The following TNK1 variants were observed in gnomAD, a reference collection of about 807,000 sequenced individuals.
TNK1 encodes the protein tyrosine kinase non receptor 1.
A neutral mutation model predicts 65.2 loss-of-function variants in TNK1; 53 were observed. That is an observed-to-expected ratio of 0.81 (90% CI 0.65 to 1.02). The LOEUF is 1.02. Among genes scored for constraint, TNK1 ranks in the 50% least tolerant of loss-of-function variants. The pLI is 0.00. For missense variants in TNK1, 837 were observed against 878.4 expected (o/e 0.95, Z 0.60); for synonymous variants, 353 against 364.6 (o/e 0.97, Z 0.36).
At position 7,384,678 on chromosome 17, in the gene TNK1, C is replaced by T; in HGVS notation, c.1061C>T (p.Ser354Phe). The T allele has an allele frequency of 6.3e-7, 1 of 1,599,118 alleles. No individual in the cohort carries two copies. Among genetic ancestry groups the T allele is most frequent in the Non-Finnish European group, 8.5e-7 (1 of 1,173,998 alleles). ...CCCCTCTGCTCCAGGGCCCTCTACT[C>T]CCTCGCCTTGCGCTGCTGGGCCCCC... The part of the protein sequence containing the change: ...RPPLCSRALY[S>F]LALRCWAPHP... The change falls in exon 7 of 13, where the codon TCC (serine) becomes TTC (phenylalanine). Residue 354 changes from serine (S) to phenylalanine (F), a missense_variant. Physicochemically the swap from Ser to Phe is radical, Grantham distance 155. Transcript: ENST00000688331.
intron 9 of TNK1, 55 bp from the exon 10 acceptor site, chr17:7,387,323 A>C: frequency 6.4e-7 from 1 of 1,560,314 alleles, no homozygotes; most frequent in Non-Finnish European, 8.7e-7. Context: ...GGGTATATTG[A>C]TCTGTGGGGT....
chr17:7,384,335 G>A, intron 6 of TNK1, 82 bp downstream of exon 6: 1 of 1,433,456 alleles, frequency 7.0e-7, no homozygotes. Context: ...GAGGGGGCCG[G>A]GCTTCTGAGG....
chr17:7,387,673 T>C (rs544188266), intron 10 of TNK1, among the ~76,000 whole-genome samples: 5 of 151,784 alleles, frequency 3.3e-5, no homozygotes, highest in East Asian at 1.9e-4. Context: ...AGCGTGATCT[T>C]GGCTCACCGC....
rs527582035 is a variant in TNK1, at chr17:7,387,024, C to T, written c.1267C>T (p.Arg423Cys). ...CACAATCTGGAAGGGCCAGAATGGT[C>T]GCACCTTCAAAGTGGGCAGCTTCCC... ...DSTIWKGQNGRTFKVGSFPAS... is the reference protein window; with the variant it reads ...DSTIWKGQNGCTFKVGSFPAS... The change falls in exon 9 of 13, where the codon CGC becomes TGC. Residue 423 changes from arginine (R) to cysteine (C), a missense_variant. Physicochemically the swap from Arg to Cys is radical, Grantham distance 180 (BLOSUM62 -3). Transcript: ENST00000688331. 87 of 1,595,854 alleles carry T rather than the reference C, an allele frequency of 5.5e-5. No individual in the cohort carries two copies. The highest frequency in any genetic ancestry group is 4.2e-4 in the South Asian group (37 of 87,992).
chr17:7,387,097 G>T lies in TNK1; in HGVS notation c.1340G>T (p.Arg447Leu), dbSNP rs748824487. 6.2e-7 allele frequency: 1 copy of T among 1,612,376 alleles called. No homozygotes were observed. The highest frequency in any genetic ancestry group is 8.5e-7 in the Non-Finnish European group (1 of 1,179,138). ...GATGCGGGGGGCTTGCCAGCCACCC[G>T]TCCAGTCCACAGAGGCACCCCTGCC... ...LADAGGLPAT[R>L]PVHRGTPARG... The change falls in exon 9 of 13, where the codon CGT becomes CTT. Residue 447 changes from arginine (R) to leucine (L), a missense_variant. Transcript: ENST00000688331.
rs1206254185 is a variant in TNK1 at position 7,388,469 on chromosome 17, G to C, written c.1541G>C (p.Ser514Thr). Residue 514 changes from serine to threonine, a missense_variant, in exon 11 of 13, where the codon AGC becomes ACC. By Grantham distance (58) the Ser-to-Thr change is moderately conservative. Coordinates refer to ENST00000688331, the MANE Select transcript of TNK1 (RefSeq NM_003985.6). This position sits in a 1 kb window ranked among gnomAD's most constrained non-coding sequence, Gnocchi z 4.5. ...LGPRPTGGGSSPPEIRQARAV... is the reference protein window; with the variant it reads ...LGPRPTGGGSTPPEIRQARAV... Reference sequence around the variant, plus strand: ...CCTCGTCCCACAGGGGGTGGTTCAAGCCCCCCTGAAATTCGACAAGCCAGA... The same window carrying C: ...CCTCGTCCCACAGGGGGTGGTTCAACCCCCCCTGAAATTCGACAAGCCAGA... 8.1e-6 allele frequency: 13 copies of C among 1,613,736 alleles called. No individual in the cohort carries two copies. Among genetic ancestry groups the C allele is most frequent in the Non-Finnish European group, 1.0e-5 (12 of 1,179,862 alleles).
chr17:7,387,207 C>G (rs760222243), intron 9 of TNK1, 53 bp downstream of exon 9: 2 of 1,512,000 alleles, frequency 1.3e-6, no homozygotes, highest in Admixed American at 2.1e-5. Flanking sequence ...CTGATGAGGT[C>G]CAGGAGCTTC....
Position 7,385,736 on chromosome 17 carries a change from T to C in TNK1, c.1138-825T>C, listed in dbSNP as rs562796301. On this transcript the variant is annotated intron_variant, in intron 7 of 12. Transcript: ENST00000688331. Reference sequence around the variant, plus strand: ...CCTGCCACCACGCCTGGCTAATTTTTGTATTTTTAGTAGAGATGGGGTTTC... The same window carrying C: ...CCTGCCACCACGCCTGGCTAATTTTCGTATTTTTAGTAGAGATGGGGTTTC... Among the ~76,000 whole-genome samples the C allele has an allele frequency of 1.9e-3, 292 of 152,208 alleles. 5 individuals carry two copies. The highest frequency in any genetic ancestry group is 5.8e-4 in the East Asian group (3 of 5,172).
Position 7,389,009 on chromosome 17 carries a change from T to C in TNK1, c.1911T>C (p.Ala637=). The C allele has an allele frequency of 6.4e-7, 1 of 1,554,908 alleles. No homozygotes were observed. ...QLFHLSSRSR[A]DCWRILEHYQ... The stretch of plus-strand genomic sequence containing the variant: ...TCCACCTGAGTAGCCGGTCCAGAGC[T>C]GACTGCTGGCGCATCCTGGAGCATT... The change falls in exon 13 of 13, where the codon GCT becomes GCC. Residue 637 remains alanine (A), a synonymous_variant. Transcript: ENST00000688331.
Position 7,387,159 on chromosome 17 carries a change from G to C in TNK1, c.1397+5G>C, listed in dbSNP as rs751793886. ...ACACCCAGGAAGCATAGATGGGTGAGGACCTGAAAGGGTGAGGGCAGGGGT... is the reference window on the plus strand; with the variant it reads ...ACACCCAGGAAGCATAGATGGGTGACGACCTGAAAGGGTGAGGGCAGGGGT... On this transcript the variant is annotated splice_donor_5th_base_variant and intron_variant, in intron 9 of 12. Coordinates refer to ENST00000688331, the MANE Select transcript of TNK1 (RefSeq NM_003985.6). 6.4e-7 allele frequency: 1 copy of C among 1,572,816 alleles called. No homozygotes were observed. The highest frequency in any genetic ancestry group is 1.2e-5 in the South Asian group (1 of 85,312).
At chr17:7,384,823 C>G in intron 7 of TNK1, 69 bp downstream of exon 7, 3 of 1,504,966 alleles carry the variant, frequency 2.0e-6, no homozygotes, top group Non-Finnish European at 2.7e-6. Context: ...GGGTTCCATG[C>G]GAAGACTAAC....
upstream of TNK1, chr17:7,380,974 G>C (rs1904772516): frequency 6.6e-6 from 1 of 152,276 alleles, no homozygotes; most frequent in Non-Finnish European, 1.5e-5. Flanking sequence ...GTCCCACTAG[G>C]GAACTCGGGG....
intron 10 of TNK1, among the ~76,000 whole-genome samples, chr17:7,387,767 G>A (rs1905266279): frequency 6.6e-6 from 1 of 152,058 alleles, no homozygotes; most frequent in African/African-American, 2.4e-5. Context: ...ACCACACCCG[G>A]CTAATTTTGT....
chr17:7,386,722 CT>C, intron 8 of TNK1, 67 bp downstream of exon 8: 1 of 1,318,082 alleles, frequency 7.6e-7, no homozygotes, highest in Non-Finnish European at 1.1e-6. Flanking sequence ...TTCCTGATCC[CT>C]TCTCTGCTTC....
intron 7 of TNK1, among the ~76,000 whole-genome samples, chr17:7,385,604 A>G (rs989327575): frequency 1.1e-4 from 17 of 151,676 alleles, no homozygotes; most frequent in Non-Finnish European, 1.9e-4. Context: ...TTGCTCTGTC[A>G]CCCTAGCTGG....
intron 9 of TNK1, 50 bp from the exon 10 acceptor site, chr17:7,387,328 T>C: frequency 1.9e-6 from 3 of 1,564,556 alleles, no homozygotes; most frequent in Non-Finnish European, 2.6e-6. Flanking sequence ...TATTGATCTG[T>C]GGGGTGGGGA....
chr17:7,386,465 C>T, intron 7 of TNK1, 96 bp from the exon 8 acceptor site: 1 of 959,494 alleles, frequency 1.0e-6, no homozygotes, highest in Non-Finnish European at 1.6e-6. Context: ...CCAGCACAGA[C>T]TACATACAGA....
chr17:7,383,266 C>A lies in TNK1; in HGVS notation c.180C>A (p.Ser60=), dbSNP rs371167554. ...CTCCCACAGCCCAGCGCAGACTGTC[C>A]GAAGCTCTGAAAAGGCTACGTTCTG... The part of the protein sequence containing the change: ...GMGRPAQRRL[S]EALKRLRSGP... Residue 60 remains serine (S), a synonymous_variant, in exon 3 of 13, where the codon TCC becomes TCA. Transcript: ENST00000688331. The A allele has an allele frequency of 6.2e-7, 1 of 1,613,898 alleles. No individual in the cohort carries two copies. Among genetic ancestry groups the A allele is most frequent in the Non-Finnish European group, 8.5e-7 (1 of 1,179,906 alleles).
rs778777388 is a variant in TNK1 at position 7,383,592 on chromosome 17, G to A, written c.402G>A (p.Leu134=). The change falls in exon 4 of 13, where the codon CTG becomes CTA. Residue 134 remains leucine, a synonymous_variant. Coordinates refer to ENST00000688331, the MANE Select transcript of TNK1 (RefSeq NM_003985.6). ...GCTTCGGTGTGGTGCACCGAGGGCT[G>A]TGGACGCTGCCCAGTGGCAAGAGTG... The part of the protein sequence containing the change: ...SGCFGVVHRG[L]WTLPSGKSVP... 5.3e-5 allele frequency: 85 copies of A among 1,605,910 alleles called. No individual in the cohort carries two copies. The highest frequency in any genetic ancestry group is 1.7e-4 in the Middle Eastern group (1 of 6,050).
Sources: gnomAD v4.1 joint callset for allele counts (sites outside exome capture counted in the v4.1 genomes callset) on GRCh38, gnomAD v4.1.1 for gene constraint, Gnocchi (gnomAD v3.1) non-coding constraint, MANE v1.5 for transcripts, NCBI Gene and HGNC (gene_info 2026-07-23, HGNC 2026-07-21) for gene names.